The following IQANK1 variants were observed in gnomAD, a reference collection of about 807,000 sequenced individuals.
IQANK1 encodes the protein IQ motif and ankyrin repeat domain-containing protein 1.
A neutral mutation model predicts 22.6 loss-of-function variants in IQANK1; 30 were observed. That is an observed-to-expected ratio of 1.33 (90% CI 0.99 to 1.80). The LOEUF is 1.80. Among genes scored for constraint, IQANK1 ranks in the 40% most tolerant of loss-of-function variants. IQANK1 has a pLI of 0.00. For synonymous variants in IQANK1, 122 were observed against 99.6 expected, an observed-to-expected ratio of 1.23 and a Z score of -1.34; for missense variants, 275 against 235.2, an observed-to-expected ratio of 1.17 and a Z score of -1.11.
In IQANK1 at chr8:143,790,021, G is replaced by C. The variant is rs1819994227; in HGVS notation, c.1246G>C (p.Val416Leu). Residue 416 changes from valine to leucine, a missense_variant, in exon 12 of 14, where the codon GTG (valine) becomes CTG (leucine). By Grantham distance (32) the Val-to-Leu change is conservative. Coordinates refer to ENST00000527139, the MANE Select transcript of IQANK1 (RefSeq NM_001381874.1). ...LKCQVTELHDVLMKDVGNRIR... is the reference protein window; with the variant it reads ...LKCQVTELHDLLMKDVGNRIR... ...GTGCCAGGTCACCGAGCTGCACGAT[G>C]TGCTGATGAAAGATGTAGGCAACCG... 8.1e-7 allele frequency: 1 copy of C among 1,232,110 alleles called. No individual in the cohort carries two copies. The highest frequency in any genetic ancestry group is 1.0e-6 in the Non-Finnish European group (1 of 988,022). The allele number at this position is 1,232,110 out of a possible 1,614,324, so 76.3% of individuals were successfully genotyped here.
chr8:143,781,137 GTGTC>G (rs1380877878), intron 7 of IQANK1, among the ~76,000 whole-genome samples: 7 of 152,108 alleles, frequency 4.6e-5, no homozygotes, highest in African/African-American at 1.2e-4. Flanking sequence ...ATTTTGAAAA[GTGTC>G]TGTTCATTTT....
Position 143,771,886 on chromosome 8 carries a change from A to C in IQANK1, c.392A>C (p.Glu131Ala). 1 of 391,270 alleles carries C rather than the reference A, an allele frequency of 2.6e-6. No homozygotes were observed. 24.2% of individuals were successfully genotyped at this position (391,270 alleles called of 1,614,324 possible). A position where few individuals can be genotyped will look rare whatever the true frequency, so the allele number is the denominator to read the frequency against. The change falls in exon 5 of 14, where the codon GAG becomes GCG. Residue 131 changes from glutamate (E) to alanine (A), a missense_variant. Glu to Ala is a moderately radical substitution (Grantham distance 107). Coordinates refer to ENST00000527139, the MANE Select transcript of IQANK1 (RefSeq NM_001381874.1). This position sits in a 1 kb window ranked among gnomAD's most constrained non-coding sequence, Gnocchi z 6.0. ...QEEAAQRERR[E>A]ELQRRRRLLD... is the part of the protein sequence containing the mutation. ...GAGGCGGCGCAGCGGGAGCGGCGGG[A>C]GGAGCTGCAGCGTCGCCGCCGCCTG...
Position 143,771,003 on chromosome 8 carries a change from G to A in IQANK1, c.176-485G>A, listed in dbSNP as rs1467355070. Among the ~76,000 whole-genome samples, 1 of 152,104 alleles carries A rather than the reference G, an allele frequency of 6.6e-6. No homozygotes were observed. Among genetic ancestry groups the A allele is most frequent in the Non-Finnish European group, 1.5e-5 (1 of 68,002 alleles). On this transcript the variant is annotated intron_variant, in intron 3 of 13. Transcript: ENST00000527139. The surrounding 1 kb of genome is among the most constrained non-coding windows in gnomAD (Gnocchi z 6.0). ...GGTGGGGCGAGGGCGAGGCCGAGCC[G>A]GAGAGGACAGAGCTCCCTCTGGGGC...
chr8:143,775,968 A>G lies in IQANK1; in HGVS notation c.789+3486A>G, dbSNP rs1475187471. 2.6e-5 allele frequency among the ~76,000 whole-genome samples: 4 copies of G among 152,198 alleles called. No homozygotes were observed. In the South Asian group the frequency reaches 8.3e-4, roughly 32 times the overall value. On this transcript the variant is annotated intron_variant, in intron 7 of 13. Transcript: ENST00000527139. ...TAGCAATAGAAACTCTCCAAAATGA[A>G]ACAAAGAGAAAGAGAAGGTTGAAAA...
intron 3 of IQANK1, among the ~76,000 whole-genome samples, chr8:143,751,950 CTTTA>C (rs1554628097): frequency 2.7e-5 from 4 of 150,296 alleles, no homozygotes; most frequent in South Asian, 2.1e-4. Context: ...TCTTTTAGCA[CTTTA>C]TTTATTATTC....
At position 143,790,401 on chromosome 8, in the gene IQANK1, C is replaced by A. The variant is rs1031028605; in HGVS notation, c.1476C>A (p.Val492=). The part of the protein sequence containing the change: ...FDLREEDLFP[V]VQRQLEAVQE... ...TGCGAGAGGAAGACCTGTTCCCAGT[C>A]GTGCAGCGGCAGCTGGAGGCGGTGC... Residue 492 remains valine (V), a synonymous_variant, in exon 14 of 14, where the codon GTC becomes GTA. Coordinates refer to ENST00000527139, the MANE Select transcript of IQANK1 (RefSeq NM_001381874.1). 3.6e-6 allele frequency: 3 copies of A among 837,486 alleles called. No individual in the cohort carries two copies. The highest frequency in any genetic ancestry group is 6.1e-5 in the South Asian group (1 of 16,262). 51.9% of individuals were successfully genotyped at this position (837,486 alleles called of 1,614,324 possible).
chr8:143,741,139 C>T (rs62526394), intron 3 of IQANK1, among the ~76,000 whole-genome samples: 8,952 of 152,264 alleles, frequency 0.059, 539 homozygotes, highest in African/African-American at 0.16. Context: ...GGCCGCTCTT[C>T]TGCTCTCAGT....
rs573292332 is a variant in IQANK1, at chr8:143,736,052, G to A, written c.85+114G>A. 4.0e-4 allele frequency: 254 copies of A among 642,648 alleles called. 1 individual carries two copies. Among genetic ancestry groups the A allele is most frequent in the Non-Finnish European group, 7.1e-5 (25 of 353,222 alleles). 39.8% of individuals were successfully genotyped at this position (642,648 alleles called of 1,614,324 possible). ...GAGGAGAGCCCTTCTTCCAAGAGTGGCTTTTAGGGGACCTCTGAGTTGGGA... is the reference window on the plus strand; with the variant it reads ...GAGGAGAGCCCTTCTTCCAAGAGTGACTTTTAGGGGACCTCTGAGTTGGGA... On this transcript the variant is annotated intron_variant, in intron 2 of 13. Transcript: ENST00000527139.
intron 1 of IQANK1, among the ~76,000 whole-genome samples, chr8:143,734,738 C>T (rs1037349134): frequency 6.6e-6 from 1 of 152,034 alleles, no homozygotes; most frequent in Non-Finnish European, 1.5e-5. Flanking sequence ...CCCTCACATA[C>T]GGAACCCTGT....
intron 3 of IQANK1, among the ~76,000 whole-genome samples, chr8:143,766,233 T>C (rs1268903744): frequency 1.3e-5 from 2 of 152,356 alleles, no homozygotes; most frequent in East Asian, 1.9e-4. Flanking sequence ...AGTTCTCTAT[T>C]GTGCTGCTGC....
intron 3 of IQANK1, among the ~76,000 whole-genome samples, chr8:143,743,631 T>C (rs1554626923): frequency 6.6e-6 from 1 of 152,192 alleles, no homozygotes; most frequent in Non-Finnish European, 1.5e-5. Flanking sequence ...GTGTGTTCCT[T>C]AAGCTGAACT....
chr8:143,789,364 C>A, intron 9 of IQANK1, 72 bp from the exon 10 acceptor site: 1 of 830,164 alleles, frequency 1.2e-6, no homozygotes, highest in Non-Finnish European at 1.6e-6. Flanking sequence ...GTCCTCAGGC[C>A]CCTGGGCCAG....
At position 143,747,070 on chromosome 8, in the gene IQANK1, T is replaced by G. The variant is rs974921249; in HGVS notation, c.175+7122T>G. 1.9e-4 allele frequency among the ~76,000 whole-genome samples: 29 copies of G among 152,002 alleles called. No individual in the cohort carries two copies. The South Asian group carries it at 2.1e-3, about 11-fold the overall frequency. On this transcript the variant is annotated intron_variant, in intron 3 of 13. Coordinates refer to ENST00000527139, the MANE Select transcript of IQANK1 (RefSeq NM_001381874.1). Reference sequence around the variant, plus strand: ...AATTTTTTGTATTTTTAGTAGAGACTGGGTTTCACCCTGTTAGCCAGGATG... The same window carrying G: ...AATTTTTTGTATTTTTAGTAGAGACGGGGTTTCACCCTGTTAGCCAGGATG...
chr8:143,768,949 A>G (rs1819526058), intron 3 of IQANK1, among the ~76,000 whole-genome samples: 1 of 152,146 alleles, frequency 6.6e-6, no homozygotes, highest in African/African-American at 2.4e-5. Flanking sequence ...TATTTCGTGA[A>G]GGTTGTGATT....
chr8:143,780,793 G>A (rs1819783377), intron 7 of IQANK1, among the ~76,000 whole-genome samples: 1 of 152,140 alleles, frequency 6.6e-6, no homozygotes, highest in African/African-American at 2.4e-5. Context: ...ACATATGCGT[G>A]CATGTGTCTT....
At chr8:143,763,418 T>C (rs1256244886) in intron 3 of IQANK1, among the ~76,000 whole-genome samples, 1 of 152,242 alleles carries the variant, frequency 6.6e-6, no homozygotes, top group Non-Finnish European at 1.5e-5. Flanking sequence ...ATTTATTAGC[T>C]GATATGGTTT....
At chr8:143,737,837 C>T (rs548468850) in intron 2 of IQANK1, among the ~76,000 whole-genome samples, 24 of 152,332 alleles carry the variant, frequency 1.6e-4, no homozygotes, top group African/African-American at 4.3e-4. Flanking sequence ...CTGGACCTGC[C>T]GCCACCGGTC....
At chr8:143,784,834 T>C (rs1554631192) in intron 7 of IQANK1, among the ~76,000 whole-genome samples, 1 of 152,238 alleles carries the variant, frequency 6.6e-6, no homozygotes, top group Non-Finnish European at 1.5e-5. Context: ...AATCCTATAC[T>C]ATGTCTAGAA....
intron 1 of IQANK1, among the ~76,000 whole-genome samples, chr8:143,734,828 C>G (rs1032466304): frequency 1.3e-5 from 2 of 151,526 alleles, no homozygotes; most frequent in Non-Finnish European, 2.9e-5. Context: ...TACCAGACGC[C>G]CCCCCATGTA....
Sources: allele counts gnomAD v4.1 joint callset (sites outside exome capture counted in the v4.1 genomes callset), GRCh38; gene constraint gnomAD v4.1.1; non-coding constraint Gnocchi (gnomAD v3.1); transcripts MANE v1.5; gene names NCBI Gene and HGNC (gene_info 2026-07-23, HGNC 2026-07-21).